The following AR variants were observed in gnomAD, a reference collection of about 807,000 sequenced individuals.
AR encodes the protein dihydrotestosterone receptor.
Under a neutral mutation model 53.9 loss-of-function variants are expected in AR, and 8 were observed. The ratio of observed to expected loss-of-function variants is 0.15; its 90% confidence interval spans 0.09 to 0.27. AR has a LOEUF of 0.27. Ranked by LOEUF, AR falls within the 10% of genes least tolerant of loss-of-function variation. The pLI is 1.00. For synonymous variants in AR, 359 were observed against 316.4 expected, an observed-to-expected ratio of 1.13 and a Z score of -1.43; for missense variants, 639 against 742.5, an observed-to-expected ratio of 0.86 and a Z score of 1.62.
At position 67,729,157 on chromosome X, in the gene AR, T is replaced by A; in HGVS notation, c.*5316T>A. The stretch of plus-strand genomic sequence containing the variant: ...GGGTGTCTGTGTGCTGTAATTCTGG[T>A]TTTGGATATGTTCTGTAAAGATTTT... On this transcript the variant is annotated 3_prime_UTR_variant, in exon 8 of 8. Transcript: ENST00000374690. 1 of 175,812 alleles carries A rather than the reference T, an allele frequency of 5.7e-6. No individual in the cohort carries two copies. The highest frequency in any genetic ancestry group is 1.1e-5 in the Non-Finnish European group (1 of 91,568). The allele number at this position is 175,812 out of a possible 1,213,427, so 14.5% of individuals were successfully genotyped here. A position where few individuals can be genotyped will look rare whatever the true frequency, so the allele number is the denominator to read the frequency against.
At chrX:67,710,190 T>G (rs1311483872) in intron 3 of AR, among the ~76,000 whole-genome samples, 1 of 111,401 alleles carries the variant, frequency 9.0e-6, no homozygotes, top group African/African-American at 3.3e-5. Context: ...AGTCTAGTCA[T>G]TCTCCATTTC....
chrX:67,554,161 C>A (rs952314777), intron 1 of AR, among the ~76,000 whole-genome samples: 5 of 111,851 alleles, frequency 4.5e-5, no homozygotes, highest in Non-Finnish European at 7.5e-5. Flanking sequence ...AGTTTATAAT[C>A]CCTTTTTTAG....
intron 3 of AR, among the ~76,000 whole-genome samples, chrX:67,691,552 C>T (rs1290597630): frequency 9.0e-6 from 1 of 111,642 alleles, no homozygotes; most frequent in Non-Finnish European, 1.9e-5. Context: ...CACAGGACCT[C>T]ATTTATTCAC....
intron 1 of AR, among the ~76,000 whole-genome samples, chrX:67,577,728 C>A (rs1049241483): frequency 9.0e-6 from 1 of 111,203 alleles, no homozygotes; most frequent in African/African-American, 3.3e-5. Flanking sequence ...TTTGCATTTC[C>A]TTGAAGAGTA....
At chrX:67,699,541 T>A (rs1386562633) in intron 3 of AR, among the ~76,000 whole-genome samples, 2 of 111,529 alleles carry the variant, frequency 1.8e-5, no homozygotes, top group African/African-American at 6.5e-5. Flanking sequence ...CCTGATGAGG[T>A]CAGGTACATC....
intron 1 of AR, among the ~76,000 whole-genome samples, chrX:67,550,609 G>A (rs1442558625): frequency 9.3e-6 from 1 of 107,533 alleles, no homozygotes; most frequent in Non-Finnish European, 1.9e-5. Flanking sequence ...GTGTGGCAAA[G>A]CAAGGGCTTA....
chrX:67,691,664 C>G (rs1415274153), intron 3 of AR, among the ~76,000 whole-genome samples: 3 of 111,810 alleles, frequency 2.7e-5, no homozygotes, highest in Non-Finnish European at 5.6e-5. Context: ...ATACCTATAC[C>G]TCTAGCTCAG....
At chrX:67,656,466 C>G (rs975179625) in intron 2 of AR, among the ~76,000 whole-genome samples, 7 of 111,402 alleles carry the variant, frequency 6.3e-5, no homozygotes, top group Non-Finnish European at 1.3e-4. Flanking sequence ...GAGCCTGTCC[C>G]TATCAGCAGG....
intron 1 of AR, among the ~76,000 whole-genome samples, chrX:67,621,209 G>T (rs1181873926): frequency 9.0e-6 from 1 of 111,397 alleles, no homozygotes; most frequent in East Asian, 2.8e-4. Flanking sequence ...TCAATTCTCT[G>T]TCTCTATCTA....
At chrX:67,578,198 A>C (rs1260397919) in intron 1 of AR, among the ~76,000 whole-genome samples, 2 of 111,528 alleles carry the variant, frequency 1.8e-5, no homozygotes, top group Non-Finnish European at 3.8e-5. Context: ...TGCATACCTA[A>C]GCAGAGGCAA....
intron 1 of AR, among the ~76,000 whole-genome samples, chrX:67,608,573 A>G (rs1360214098): frequency 1.8e-5 from 2 of 112,150 alleles, no homozygotes; most frequent in African/African-American, 6.5e-5. Context: ...ATAAATCAGT[A>G]TTAGTGAATC....
At chrX:67,627,251 T>G (rs2147405619) in intron 1 of AR, among the ~76,000 whole-genome samples, 1 of 111,383 alleles carries the variant, frequency 9.0e-6, no homozygotes, top group South Asian at 3.8e-4. Flanking sequence ...CCACCAACAG[T>G]GTCAAAGTGT....
At chrX:67,707,326 G>A (rs60650332) in intron 3 of AR, among the ~76,000 whole-genome samples, 16,915 of 111,482 alleles carry the variant, frequency 0.15, 1,639 homozygotes, top group African/African-American at 0.35. Flanking sequence ...GGTTGTTCCT[G>A]TATTGGTGCA....
intron 2 of AR, among the ~76,000 whole-genome samples, chrX:67,677,456 T>A (rs1013178496): frequency 1.3e-4 from 15 of 111,862 alleles, no homozygotes; most frequent in South Asian, 3.7e-4. Context: ...ACGAGGGAGA[T>A]AACCACTCTT....
rs1166841753 is a variant in AR at position 67,559,794 on chromosome X, GA to G, written c.1616+13035del. 2.7e-5 allele frequency among the ~76,000 whole-genome samples: 3 copies of G among 111,772 alleles called. No individual in the cohort carries two copies. In the Admixed American group the frequency reaches 2.9e-4, roughly 11 times the overall value. On this transcript the variant is annotated intron_variant, in intron 1 of 7. Coordinates refer to ENST00000374690, the MANE Select transcript of AR (RefSeq NM_000044.6). ...AAACCAAGAGTTGAGAGTAAAGATGGAAACACTTGATGTTTGGTGTTTGGGT... is the reference window on the plus strand; with the variant it reads ...AAACCAAGAGTTGAGAGTAAAGATGGAACACTTGATGTTTGGTGTTTGGGT...
chrX:67,624,158 C>T (rs1924506845), intron 1 of AR, among the ~76,000 whole-genome samples: 1 of 111,487 alleles, frequency 9.0e-6, no homozygotes, highest in Admixed American at 9.6e-5. Context: ...CCAATTACTT[C>T]CTACCAGGTC....
chrX:67,611,756 A>G (rs924282582), intron 1 of AR, among the ~76,000 whole-genome samples: 10 of 111,326 alleles, frequency 9.0e-5, no homozygotes, highest in Non-Finnish European at 1.9e-4. Flanking sequence ...TACCTTTTTA[A>G]TTTTTCTCTG....
intron 3 of AR, among the ~76,000 whole-genome samples, chrX:67,696,540 G>C (rs1211434094): frequency 8.9e-6 from 1 of 111,764 alleles, no homozygotes; most frequent in Non-Finnish European, 1.9e-5. Context: ...AAAACCATTA[G>C]ACTAAATAGT....
At chrX:67,686,994 G>A (rs2075970467) in intron 3 of AR, among the ~76,000 whole-genome samples, 1 of 111,635 alleles carries the variant, frequency 9.0e-6, no homozygotes, top group Non-Finnish European at 1.9e-5. Flanking sequence ...CCAAAAAGAT[G>A]TGTCTTTCAT....
Sources: allele counts gnomAD v4.1 joint callset (sites outside exome capture counted in the v4.1 genomes callset), GRCh38; gene constraint gnomAD v4.1.1; transcripts MANE v1.5; gene names NCBI Gene and HGNC (gene_info 2026-07-23, HGNC 2026-07-21).